The following CTNNA3 variants were observed in gnomAD, a reference collection of about 807,000 sequenced individuals.
The protein encoded by CTNNA3 is catenin alpha-3.
In CTNNA3, 76 loss-of-function variants were observed where a neutral mutation model predicts 95.7. That is an observed-to-expected ratio of 0.79 (90% CI 0.66 to 0.96). The LOEUF (loss-of-function observed/expected upper bound fraction) is 0.96. Ranked by LOEUF, CTNNA3 falls within the 40% of genes least tolerant of loss-of-function variation. The pLI is 0.00. For missense variants in CTNNA3, 1,191 were observed against 1,089.8 expected, an observed-to-expected ratio of 1.09 and a Z score of -1.31; for synonymous variants, 431 against 374.4, an observed-to-expected ratio of 1.15 and a Z score of -1.74.
chr10:67,391,466 A>G (rs1272587022), intron 5 of CTNNA3, among the ~76,000 whole-genome samples: 1 of 152,198 alleles, frequency 6.6e-6, no homozygotes, highest in Non-Finnish European at 1.5e-5. Context: ...TATCGTGAAA[A>G]TGGCCATACT....
intron 7 of CTNNA3, chr10:66,926,613 C>G: frequency 2.5e-6 from 4 of 1,613,060 alleles, no homozygotes; most frequent in Non-Finnish European, 3.4e-6. Context: ...TTTCTTCTTT[C>G]CTTCTTAAAA....
intron 6 of CTNNA3, among the ~76,000 whole-genome samples, chr10:67,197,839 T>C (rs1863448766): frequency 6.6e-6 from 1 of 152,172 alleles, no homozygotes; most frequent in African/African-American, 2.4e-5. Context: ...GTAGTCACTG[T>C]GTTTAAAATT....
chr10:66,051,265 C>T (rs964402525), intron 15 of CTNNA3, among the ~76,000 whole-genome samples: 11 of 152,102 alleles, frequency 7.2e-5, no homozygotes, highest in African/African-American at 2.4e-4. Flanking sequence ...TTGTTTTTTA[C>T]GTGAAGACCA....
chr10:66,129,650 C>G (rs2082994820), intron 13 of CTNNA3, among the ~76,000 whole-genome samples: 1 of 152,132 alleles, frequency 6.6e-6, no homozygotes, highest in Non-Finnish European at 1.5e-5. Context: ...CCTGGCCGTG[C>G]CTGCTTGCAG....
At chr10:67,237,031 CAT>C (rs977328966) in intron 5 of CTNNA3, among the ~76,000 whole-genome samples, 34 of 149,934 alleles carry the variant, frequency 2.3e-4, no homozygotes, top group African/African-American at 6.8e-4. Context: ...TACTTACACA[CAT>C]ATGTTTACAG....
chr10:67,185,360 A>C (rs1862786055), intron 6 of CTNNA3, among the ~76,000 whole-genome samples: 1 of 151,844 alleles, frequency 6.6e-6, no homozygotes, highest in Admixed American at 6.6e-5. Flanking sequence ...TCTCTTGACC[A>C]CATGATCCGC....
chr10:66,223,523 G>T lies in CTNNA3; in HGVS notation c.1884+56947C>A, dbSNP rs113406264. Among the ~76,000 whole-genome samples the T allele has an allele frequency of 2.0e-3, 309 of 152,250 alleles. 2 individuals carry two copies. The highest frequency in any genetic ancestry group is 7.2e-3 in the African/African-American group (301 of 41,550). ...TATCAATAACTTCTTATTTGCACAA[G>T]ATTTACCACCAAATGATTTACAAGA... On this transcript the variant is annotated intron_variant, in intron 13 of 17. Transcript: ENST00000433211.
intron 12 of CTNNA3, among the ~76,000 whole-genome samples, chr10:66,294,277 A>G (rs1364979612): frequency 6.6e-6 from 1 of 152,144 alleles, no homozygotes; most frequent in Non-Finnish European, 1.5e-5. Flanking sequence ...TTGTTTTAAC[A>G]GTGGTTTTCA....
intron 13 of CTNNA3, among the ~76,000 whole-genome samples, chr10:66,270,810 G>A (rs2091264833): frequency 6.6e-6 from 1 of 152,080 alleles, no homozygotes; most frequent in Non-Finnish European, 1.5e-5. Flanking sequence ...CACAGTAAGT[G>A]GACAGATGCC....
At chr10:66,074,433 C>T (rs1282280060) in intron 14 of CTNNA3, among the ~76,000 whole-genome samples, 2 of 151,786 alleles carry the variant, frequency 1.3e-5, no homozygotes, top group Non-Finnish European at 2.9e-5. Flanking sequence ...ACCAGCTTTT[C>T]AATCTCATCC....
At chr10:67,736,776 A>G (rs1453846314) in intron 1 of CTNNA3, among the ~76,000 whole-genome samples, 1 of 152,078 alleles carries the variant, frequency 6.6e-6, no homozygotes, top group African/African-American at 2.4e-5. Flanking sequence ...ACAAAGAAAC[A>G]TTAGATTTAA....
chr10:66,938,907 C>T (rs1456548316), intron 7 of CTNNA3, among the ~76,000 whole-genome samples: 7 of 152,128 alleles, frequency 4.6e-5, no homozygotes, highest in Non-Finnish European at 7.4e-5. Context: ...TGTTTAAAAG[C>T]CATACATTTG....
In CTNNA3 at chr10:66,978,538, A is replaced by ATAATAAAATAAAAATAAAAAAAAT. The variant is rs1564808459; in HGVS notation, c.1047+201778_1047+201779insATTTTTTTTATTTTTATTTTATTA. ...TGAGACTCCATCTCAAAAAAAAAAAAAAAAAAAAAAAAAAATATATATATA... is the reference window on the plus strand; with the variant it reads ...TGAGACTCCATCTCAAAAAAAAAAAATAATAAAATAAAAATAAAAAAAATAAAAAAAAAAAAAAATATATATATA... On this transcript the variant is annotated intron_variant, in intron 7 of 17. Coordinates refer to ENST00000433211, the MANE Select transcript of CTNNA3 (RefSeq NM_013266.4). Among the ~76,000 whole-genome samples the ATAATAAAATAAAAATAAAAAAAAT allele has an allele frequency of 4.5e-5, 4 of 89,104 alleles. No individual in the cohort carries two copies. The South Asian group carries it at 1.3e-3, about 29-fold the overall frequency. The allele number at this position is 89,104 out of a possible 152,430, so 58.5% of individuals were successfully genotyped here.
chr10:66,116,557 A>C (rs1239550913), intron 13 of CTNNA3, among the ~76,000 whole-genome samples: 1 of 152,210 alleles, frequency 6.6e-6, no homozygotes, highest in Non-Finnish European at 1.5e-5. Flanking sequence ...AAAAGGAATA[A>C]ATTTGATTAA....
intron 11 of CTNNA3, among the ~76,000 whole-genome samples, chr10:66,491,489 A>G (rs1054497886): frequency 6.6e-6 from 1 of 152,184 alleles, no homozygotes; most frequent in Non-Finnish European, 1.5e-5. Context: ...CACAGAATTA[A>G]ATGTAATGAC....
intron 10 of CTNNA3, among the ~76,000 whole-genome samples, chr10:66,528,198 C>G (rs1841337009): frequency 1.3e-5 from 2 of 152,168 alleles, no homozygotes; most frequent in South Asian, 4.1e-4. Flanking sequence ...ATTAGGTTGT[C>G]TGACACCCCA....
chr10:66,772,506 A>C (rs1304667954), intron 8 of CTNNA3, among the ~76,000 whole-genome samples: 1 of 151,914 alleles, frequency 6.6e-6, no homozygotes, highest in Non-Finnish European at 1.5e-5. Context: ...AACACTGCGA[A>C]GGAGAGCTGA....
chr10:66,624,069 C>T (rs16923325), intron 9 of CTNNA3, among the ~76,000 whole-genome samples: 11,309 of 152,082 alleles, frequency 0.074, 919 homozygotes, highest in African/African-American at 0.2. Context: ...TGTGTATCTG[C>T]GCAAAATGTG....
At chr10:66,508,590 C>G (rs1382924480) in intron 11 of CTNNA3, among the ~76,000 whole-genome samples, 1 of 151,988 alleles carries the variant, frequency 6.6e-6, no homozygotes, top group Non-Finnish European at 1.5e-5. Context: ...ACTACTTTAA[C>G]TGTGGCTATT....
Sources: allele counts gnomAD v4.1 joint callset (sites outside exome capture counted in the v4.1 genomes callset), GRCh38; gene constraint gnomAD v4.1.1; transcripts MANE v1.5; gene names NCBI Gene and HGNC (gene_info 2026-07-23, HGNC 2026-07-21).